The following PGM5 variants were observed in gnomAD, a reference collection of about 807,000 sequenced individuals.
PGM5 encodes phosphoglucomutase 5, also known as phosphoglucomutase-like protein 5.
PGM5 carries 23 observed loss-of-function variants against 59.2 expected under a neutral mutation model. That is an observed-to-expected ratio of 0.39 (90% CI 0.28 to 0.55). The LOEUF is 0.55. Among genes scored for constraint, PGM5 ranks in the 20% least tolerant of loss-of-function variants. The probability of loss-of-function intolerance (pLI) is 0.66; values close to 1 mark genes in which losing one functional copy is unlikely to be tolerated. For synonymous variants in PGM5, 214 were observed against 286.0 expected, an observed-to-expected ratio of 0.75 and a Z score of 2.54; for missense variants, 574 against 748.3, an observed-to-expected ratio of 0.77 and a Z score of 2.72.
Position 68,455,275 on chromosome 9 carries a change from G to C in PGM5, c.1044-9818G>C, listed in dbSNP as rs928719679. Among the ~76,000 whole-genome samples, 9 of 152,164 alleles carry C rather than the reference G, an allele frequency of 5.9e-5. No individual in the cohort carries two copies. In the East Asian group the frequency reaches 1.7e-3, roughly 29 times the overall value. On this transcript the variant is annotated intron_variant, in intron 6 of 10. Transcript: ENST00000396396. Reference sequence around the variant, plus strand: ...CTCACATTCCCAAAGGGAATGCAAAGTTTTGCATGTTGCCCTGCTCAGGGC... The same window carrying C: ...CTCACATTCCCAAAGGGAATGCAAACTTTTGCATGTTGCCCTGCTCAGGGC...
intron 6 of PGM5, among the ~76,000 whole-genome samples, chr9:68,456,648 A>T (rs2132074078): frequency 7.3e-6 from 1 of 136,352 alleles, no homozygotes; most frequent in African/African-American, 2.8e-5. Flanking sequence ...TCCTTGAAAC[A>T]GAATATTACT....
chr9:68,500,377 C>T (rs1228265517), intron 10 of PGM5, among the ~76,000 whole-genome samples: 1 of 151,868 alleles, frequency 6.6e-6, no homozygotes, highest in Non-Finnish European at 1.5e-5. Flanking sequence ...ATGGGTGCTA[C>T]AGATCCTTAC....
Position 68,459,704 on chromosome 9 carries a change from G to A in PGM5, c.1044-5389G>A, listed in dbSNP as rs367990844. ...TTCCAGCTAGTCTTGTGGATACATA[G>A]TAATATTTCACTGTGGTTTTAATTT... On this transcript the variant is annotated intron_variant, in intron 6 of 10. Transcript: ENST00000396396. Among the ~76,000 whole-genome samples, 46 of 152,254 alleles carry A rather than the reference G, an allele frequency of 3.0e-4. 1 individual carries two copies. In the South Asian group the frequency reaches 7.9e-3, roughly 26 times the overall value.
chr9:68,413,566 G>A lies in PGM5; in HGVS notation c.1043+21093G>A, dbSNP rs148524357. On this transcript the variant is annotated intron_variant, in intron 6 of 10. Coordinates refer to ENST00000396396, the MANE Select transcript of PGM5 (RefSeq NM_021965.4). ...AAAACTGCCTTGGTTTTCATTATTT[G>A]GAAAAGTAAAGTTTGTATCTGACAC... 4.4e-3 allele frequency among the ~76,000 whole-genome samples: 670 copies of A among 152,286 alleles called. 3 individuals are homozygous for A. The highest frequency in any genetic ancestry group is 0.015 in the African/African-American group (625 of 41,554).
At chr9:68,478,983 G>A (rs1824147912) in intron 7 of PGM5, among the ~76,000 whole-genome samples, 1 of 152,118 alleles carries the variant, frequency 6.6e-6, no homozygotes, top group Non-Finnish European at 1.5e-5. Context: ...CTTATTTGAT[G>A]CATCTTGTTC....
chr9:68,421,609 C>T (rs782022632), intron 6 of PGM5, among the ~76,000 whole-genome samples: 15 of 151,838 alleles, frequency 9.9e-5, no homozygotes, highest in Non-Finnish European at 1.6e-4. Context: ...CCCAGCTATT[C>T]GGGAGGCTGA....
At chr9:68,455,505 TAA>T (rs36071391) in intron 6 of PGM5, among the ~76,000 whole-genome samples, 15 of 140,418 alleles carry the variant, frequency 1.1e-4, no homozygotes, top group Non-Finnish European at 1.1e-4. Context: ...ATCTCTTAGT[TAA>T]AAAAAAAAAA....
intron 1 of PGM5, among the ~76,000 whole-genome samples, chr9:68,365,907 A>T (rs1381947063): frequency 1.3e-5 from 2 of 152,226 alleles, no homozygotes; most frequent in African/African-American, 4.8e-5. Context: ...ACATGTAAAA[A>T]GGTTTTCCAA....
chr9:68,456,469 C>G (rs1554684870), intron 6 of PGM5, among the ~76,000 whole-genome samples: 1 of 146,830 alleles, frequency 6.8e-6, no homozygotes, highest in Non-Finnish European at 1.5e-5. Flanking sequence ...TGCCACCACG[C>G]CTGGCTAATT....
At chr9:68,372,929 T>C (rs532216994) in intron 1 of PGM5, among the ~76,000 whole-genome samples, 1 of 152,234 alleles carries the variant, frequency 6.6e-6, no homozygotes, top group African/African-American at 2.4e-5. Flanking sequence ...GCTAGACCAT[T>C]CATGAGGGAC....
intron 1 of PGM5, chr9:68,357,600 C>T (rs1263739869): frequency 4.0e-6 from 3 of 743,846 alleles, no homozygotes; most frequent in Non-Finnish European, 6.3e-6. Flanking sequence ...TATTAGTACC[C>T]ACCGCCCCCA....
At chr9:68,366,731 A>G (rs263786) in intron 1 of PGM5, among the ~76,000 whole-genome samples, 74,161 of 147,434 alleles carry the variant, frequency 0.5, 18,385 homozygotes, top group Admixed American at 0.55. Flanking sequence ...CTAGCCTCCT[A>G]GGGTTTATTT....
At chr9:68,425,101 C>T (rs1587805112) in intron 6 of PGM5, among the ~76,000 whole-genome samples, 1 of 152,042 alleles carries the variant, frequency 6.6e-6, no homozygotes, top group East Asian at 1.9e-4. Context: ...TTTTTGAGGG[C>T]TTTTCTGTAT....
At chr9:68,407,824 G>A (rs185605966) in intron 6 of PGM5, among the ~76,000 whole-genome samples, 221 of 152,340 alleles carry the variant, frequency 1.5e-3, no homozygotes, top group Non-Finnish European at 2.4e-3. Context: ...GAAACATCCT[G>A]AGCAAAAGAA....
intron 6 of PGM5, among the ~76,000 whole-genome samples, chr9:68,460,134 A>T (rs1457820669): frequency 6.6e-6 from 1 of 152,210 alleles, no homozygotes; most frequent in African/African-American, 2.4e-5. Context: ...TTCCAAGAGC[A>T]GCTGGATATG....
chr9:68,380,181 A>G (rs567663287), intron 2 of PGM5, among the ~76,000 whole-genome samples: 3 of 152,210 alleles, frequency 2.0e-5, no homozygotes, highest in Non-Finnish European at 4.4e-5. Context: ...TCTCCAGGAT[A>G]GACCATATGT....
At chr9:68,427,406 G>A (rs1197572548) in intron 6 of PGM5, among the ~76,000 whole-genome samples, 1 of 152,168 alleles carries the variant, frequency 6.6e-6, no homozygotes, top group Non-Finnish European at 1.5e-5. Flanking sequence ...TCTGTTGTCT[G>A]AGCCAGGATG....
intron 6 of PGM5, chr9:68,400,560 G>A (rs1329954881): frequency 6.6e-6 from 1 of 152,572 alleles, no homozygotes. Flanking sequence ...ACTACTATGA[G>A]CTATCAACAT....
At chr9:68,506,046 T>C (rs566964043) in intron 10 of PGM5, among the ~76,000 whole-genome samples, 1 of 152,268 alleles carries the variant, frequency 6.6e-6, no homozygotes, top group Non-Finnish European at 1.5e-5. Context: ...GTGCCAGAAA[T>C]TGAGGACAAA....
Sources: allele counts gnomAD v4.1 joint callset (sites outside exome capture counted in the v4.1 genomes callset), GRCh38; gene constraint gnomAD v4.1.1; transcripts MANE v1.5; gene names NCBI Gene and HGNC (gene_info 2026-07-23, HGNC 2026-07-21).